HLA-DQA1: variants seen among roughly 807,000 people sequenced by gnomAD.
HLA-DQA1 encodes major histocompatibility complex, class II, DQ alpha 1, also known as HLA class II histocompatibility antigen, DQ alpha 1 chain.
HLA-DQA1 carries 10 observed loss-of-function variants against 20.7 expected under a neutral mutation model. The ratio of observed to expected loss-of-function variants is 0.48; its 90% CI spans 0.30 to 0.82. The LOEUF is 0.82. HLA-DQA1 is among the 40% of genes least tolerant of loss of function. HLA-DQA1 has a pLI of 0.07. For missense variants in HLA-DQA1, 127 were observed against 293.0 expected, an observed-to-expected ratio of 0.43 and a Z score of 4.14; for synonymous variants, 39 against 109.2, an observed-to-expected ratio of 0.36 and a Z score of 4.01.
Position 32,643,247 on chromosome 6 carries a change from A to G in HLA-DQA1, c.*316A>G, listed in dbSNP as rs937253495. The G allele has an allele frequency of 1.2e-5, 4 of 327,448 alleles. No homozygotes were observed. Among genetic ancestry groups the G allele is most frequent in the Non-Finnish European group, 2.4e-5 (4 of 167,010 alleles). 20.3% of individuals were successfully genotyped at this position (327,448 alleles called of 1,614,324 possible). On this transcript the variant is annotated 3_prime_UTR_variant, in exon 5 of 5. Coordinates refer to ENST00000343139, the MANE Select transcript of HLA-DQA1 (RefSeq NM_002122.5). Reference sequence around the variant, plus strand: ...TCTAAAATCTCCAAGGAAGCAATAAATTCCTTTTATGAGATCTATGTCAAA... The same window carrying G: ...TCTAAAATCTCCAAGGAAGCAATAAGTTCCTTTTATGAGATCTATGTCAAA...
chr6:32,652,663 T>A, the HLA-DQA1 span, among the ~76,000 whole-genome samples: 1 of 145,706 alleles, frequency 6.9e-6, no homozygotes, highest in African/African-American at 2.5e-5. Context: ...TTGACGATAT[T>A]GAAAAAAGGG....
At chr6:32,640,760 A>C (rs28383418) in intron 1 of HLA-DQA1, among the ~76,000 whole-genome samples, 9,659 of 86,312 alleles carry the variant, frequency 0.11, 1,021 homozygotes, top group East Asian at 0.16. Context: ...TATACCCTAC[A>C]ATTGTTAGCA....
In HLA-DQA1 at chr6:32,640,837, T is replaced by C. The variant is rs1466155747; in HGVS notation, c.83-473T>C. Among the ~76,000 whole-genome samples, 2 of 104,450 alleles carry C rather than the reference T, an allele frequency of 1.9e-5. 1 individual carries two copies. Among genetic ancestry groups the C allele is most frequent in the African/African-American group, 6.9e-5 (2 of 28,940 alleles). 68.5% of individuals were successfully genotyped at this position (104,450 alleles called of 152,430 possible). Reference sequence around the variant, plus strand: ...TAAAAAAAAAAAAAAGAAAGATCTCTGTGTAGAGTGTCCTATTCTGAGCCA... The same window carrying C: ...TAAAAAAAAAAAAAAGAAAGATCTCCGTGTAGAGTGTCCTATTCTGAGCCA... On this transcript the variant is annotated intron_variant, in intron 1 of 4. Coordinates refer to ENST00000343139, the MANE Select transcript of HLA-DQA1 (RefSeq NM_002122.5).
At chr6:32,654,464 C>T in the HLA-DQA1 span, among the ~76,000 whole-genome samples, 4 of 118,426 alleles carry the variant, frequency 3.4e-5, 1 homozygote, top group South Asian at 5.4e-4. Context: ...ATGCTCAAGT[C>T]CCTTATTAAA....
At chr6:32,649,510 C>A (rs1265619670), downstream of HLA-DQA1, among the ~76,000 whole-genome samples, 2 of 96,696 alleles carry the variant, frequency 2.1e-5, 1 homozygote, top group Non-Finnish European at 4.6e-5. Context: ...TGGAACAGAA[C>A]AGAGTCCTCA....
In HLA-DQA1 at chr6:32,641,304, C is replaced by G; in HGVS notation, c.83-6C>G. 3 of 1,259,420 alleles carry G rather than the reference C, an allele frequency of 2.4e-6. 1 individual carries two copies. Among genetic ancestry groups the G allele is most frequent in the Non-Finnish European group, 3.3e-6 (3 of 907,996 alleles). The allele number at this position is 1,259,420 out of a possible 1,614,324, so 78.0% of individuals were successfully genotyped here. ...CGCCTTCCTGCTTGTCATCTTCACT[C>G]ATCAGCTGACCACGTTGCCTCTTGT... On this transcript the variant is annotated splice_region_variant and splice_polypyrimidine_tract_variant and intron_variant, in intron 1 of 4. Coordinates refer to ENST00000343139, the MANE Select transcript of HLA-DQA1 (RefSeq NM_002122.5).
In HLA-DQA1 at chr6:32,643,074, A is replaced by ACTTTTTTTCC; in HGVS notation, c.*146_*147insTTTTTCCCTT. Reference sequence around the variant, plus strand: ...TTTCTCCTCTCACCTTTTCTCTGGGACTTAAGCTGCTATATCCCCTCAGAG... The same window carrying ACTTTTTTTCC: ...TTTCTCCTCTCACCTTTTCTCTGGGACTTTTTTTCCCTTAAGCTGCTATATCCCCTCAGAG... On this transcript the variant is annotated 3_prime_UTR_variant, in exon 5 of 5. Transcript: ENST00000343139. The ACTTTTTTTCC allele has an allele frequency of 3.3e-6, 1 of 302,854 alleles. No individual in the cohort carries two copies. The highest frequency in any genetic ancestry group is 6.4e-6 in the Non-Finnish European group (1 of 157,160). 18.8% of individuals were successfully genotyped at this position (302,854 alleles called of 1,614,324 possible). A position where few individuals can be genotyped will look rare whatever the true frequency, so the allele number is the denominator to read the frequency against.
downstream of HLA-DQA1, among the ~76,000 whole-genome samples, chr6:32,649,053 T>C (rs919740850): frequency 1.8e-4 from 17 of 95,674 alleles, 7 homozygotes; most frequent in Admixed American, 2.2e-3. Context: ...GAGAATAAAA[T>C]ACCTAGGAAT....
At chr6:32,639,259 AT>A (rs9279894) in intron 1 of HLA-DQA1, 41,771 of 125,694 alleles carry the variant, frequency 0.33, 12,242 homozygotes, top group Admixed American at 0.43. Context: ...AATTAGAAAA[AT>A]AATGGAATAT....
chr6:32,652,230 G>C, the HLA-DQA1 span, among the ~76,000 whole-genome samples: 1 of 84,824 alleles, frequency 1.2e-5, no homozygotes, highest in African/African-American at 4.2e-5. Flanking sequence ...GCAGTGAGCC[G>C]AGATCATGCC....
At chr6:32,655,032 C>CAA in the HLA-DQA1 span, among the ~76,000 whole-genome samples, 28 of 43,042 alleles carry the variant, frequency 6.5e-4, 3 homozygotes, top group East Asian at 3.2e-3. Flanking sequence ...GACTCTGTCC[C>CAA]AAAAAAAAAA....
the HLA-DQA1 span, among the ~76,000 whole-genome samples, chr6:32,653,018 G>A: frequency 4.0e-5 from 6 of 148,340 alleles, no homozygotes; most frequent in African/African-American, 1.2e-4. Flanking sequence ...AGTCATTATA[G>A]GTGGATTCTT....
the HLA-DQA1 span, among the ~76,000 whole-genome samples, chr6:32,653,423 C>T: frequency 5.3e-5 from 5 of 94,352 alleles, 2 homozygotes; most frequent in Admixed American, 6.5e-4. Context: ...GCCACCACAC[C>T]CAGCTAATTT....
rs3205916 is a variant in HLA-DQA1 at position 32,641,329 on chromosome 6, T to C, written c.102T>C (p.Cys34=). The C allele has an allele frequency of 0.088, 99,699 of 1,126,954 alleles. 18,553 individuals are homozygous for C. The highest frequency in any genetic ancestry group is 0.14 in the Admixed American group (5,451 of 37,908). 69.8% of individuals were successfully genotyped at this position (1,126,954 alleles called of 1,614,324 possible). A position where few individuals can be genotyped will look rare whatever the true frequency, so the allele number is the denominator to read the frequency against. ...CATCAGCTGACCACGTTGCCTCTTG[T>C]GGTGTAAACTTGTACCAGTTTTACG... ...EDIVADHVAS[C]GVNLYQFYGP... The change falls in exon 2 of 5, where the codon TGT becomes TGC. Residue 34 remains cysteine (C), a synonymous_variant. Transcript: ENST00000343139.
At chr6:32,650,522 A>G (rs1295395283), downstream of HLA-DQA1, among the ~76,000 whole-genome samples, 2 of 96,064 alleles carry the variant, frequency 2.1e-5, 1 homozygote, top group Non-Finnish European at 4.6e-5. Context: ...ATGCAGCCAT[A>G]TAAAAGGATG....
chr6:32,638,262 AG>A lies in HLA-DQA1; in HGVS notation c.82+725del, dbSNP rs551094953. ...CACATTTCTTTTCTTTAGCAAAATAAGGGATCATTTTATTTTAAAATTGAGA... is the reference window on the plus strand; with the variant it reads ...CACATTTCTTTTCTTTAGCAAAATAAGGATCATTTTATTTTAAAATTGAGA... On this transcript the variant is annotated intron_variant, in intron 1 of 4. Transcript: ENST00000343139. Among the ~76,000 whole-genome samples the A allele has an allele frequency of 1.7e-3, 202 of 116,674 alleles. 30 individuals carry two copies. The highest frequency in any genetic ancestry group is 0.011 in the Middle Eastern group (2 of 184). 76.5% of individuals were successfully genotyped at this position (116,674 alleles called of 152,430 possible).
At chr6:32,639,086 CTGCTT>C in intron 1 of HLA-DQA1, 1 of 249,082 alleles carries the variant, frequency 4.0e-6, no homozygotes, top group Middle Eastern at 1.1e-3. Context: ...GAAGTTTCAC[CTGCTT>C]CTCCAGAGCG....
intron 1 of HLA-DQA1, among the ~76,000 whole-genome samples, chr6:32,640,878 G>A (rs9272657): frequency 0.013 from 1,237 of 95,126 alleles, 13 homozygotes; most frequent in East Asian, 0.028. Flanking sequence ...GAGAGGAAAG[G>A]AAGTATAATC....
chr6:32,653,891 A>G, the HLA-DQA1 span, among the ~76,000 whole-genome samples: 220 of 88,934 alleles, frequency 2.5e-3, 5 homozygotes, highest in Non-Finnish European at 3.5e-3. Flanking sequence ...AGCCAGGCAC[A>G]GAAAGACAAA....
Sources: allele counts gnomAD v4.1 joint callset (sites outside exome capture counted in the v4.1 genomes callset), GRCh38; gene constraint gnomAD v4.1.1; transcripts MANE v1.5; gene names NCBI Gene and HGNC (gene_info 2026-07-23, HGNC 2026-07-21).